The following SYNDIG1 variants were observed in gnomAD, a reference collection of about 807,000 sequenced individuals.
SYNDIG1 encodes the protein synapse differentiation-inducing gene protein 1.
A neutral mutation model predicts 19.4 loss-of-function variants in SYNDIG1; 9 were observed. The observed-to-expected ratio is 0.46, with a 90% CI of 0.28 to 0.81. The LOEUF (loss-of-function observed/expected upper bound fraction) is 0.81. Ranked by LOEUF, SYNDIG1 falls within the 30% of genes least tolerant of loss-of-function variation. The pLI is 0.12. For missense variants in SYNDIG1, 311 were observed against 343.3 expected (o/e 0.91, Z 0.74); for synonymous variants, 141 against 145.9 (o/e 0.97, Z 0.24).
Position 24,590,633 on chromosome 20 carries a change from G to A in SYNDIG1, c.618+5640G>A, listed in dbSNP as rs557127014. ...CTGGGCTTAGGTTGCAGTGTGAAAG[G>A]AAGAGGGAAGGGAGGGATGCCCTGG... On this transcript the variant is annotated intron_variant, in intron 3 of 3. Transcript: ENST00000376862. Among the ~76,000 whole-genome samples, 3 of 152,244 alleles carry A rather than the reference G, an allele frequency of 2.0e-5. No homozygotes were observed. In the South Asian group the frequency reaches 6.2e-4, roughly 32 times the overall value.
At chr20:24,661,440 AGG>A (rs2059590875) in intron 3 of SYNDIG1, among the ~76,000 whole-genome samples, 1 of 6,646 alleles carries the variant, frequency 1.5e-4, no homozygotes, top group African/African-American at 6.9e-4. Flanking sequence ...GGAGGAAGGA[AGG>A]AGGAAAGAGG....
chr20:24,640,885 G>T (rs182673001), intron 3 of SYNDIG1, among the ~76,000 whole-genome samples: 1 of 152,194 alleles, frequency 6.6e-6, no homozygotes, highest in Non-Finnish European at 1.5e-5. Flanking sequence ...CATGGAGGGC[G>T]CATGGGCAGG....
At chr20:24,591,765 A>G (rs1347747420) in intron 3 of SYNDIG1, among the ~76,000 whole-genome samples, 1 of 152,206 alleles carries the variant, frequency 6.6e-6, no homozygotes, top group African/African-American at 2.4e-5. Flanking sequence ...AGCTGTTCCC[A>G]GGTCATGCTT....
Position 24,519,579 on chromosome 20 carries a change from T to G in SYNDIG1, c.-78-23441T>G, listed in dbSNP as rs886173777. ...GGGAAGGTTAGAAGCATAGTATTCTTCAAGTTTCTTTTTTACCCTCTTCCA... is the reference window on the plus strand; with the variant it reads ...GGGAAGGTTAGAAGCATAGTATTCTGCAAGTTTCTTTTTTACCCTCTTCCA... On this transcript the variant is annotated intron_variant, in intron 1 of 3. Coordinates refer to ENST00000376862, the MANE Select transcript of SYNDIG1 (RefSeq NM_024893.3). 3.9e-5 allele frequency among the ~76,000 whole-genome samples: 6 copies of G among 152,310 alleles called. No homozygotes were observed. The East Asian group carries it at 9.7e-4, about 25-fold the overall frequency.
intron 2 of SYNDIG1, among the ~76,000 whole-genome samples, chr20:24,569,396 A>T (rs543499815): frequency 6.6e-6 from 1 of 152,232 alleles, no homozygotes; most frequent in East Asian, 1.9e-4. Flanking sequence ...ATCACATATG[A>T]TTAATTCACT....
At chr20:24,625,050 T>C (rs2059102125) in intron 3 of SYNDIG1, among the ~76,000 whole-genome samples, 1 of 152,146 alleles carries the variant, frequency 6.6e-6, no homozygotes, top group Non-Finnish European at 1.5e-5. Flanking sequence ...AAAGCAATGT[T>C]TAAAGGGAAA....
At chr20:24,509,667 A>C (rs1165431311) in intron 1 of SYNDIG1, among the ~76,000 whole-genome samples, 1 of 152,246 alleles carries the variant, frequency 6.6e-6, no homozygotes, top group East Asian at 1.9e-4. Context: ...TTAGTGGTTC[A>C]TTCAGTTTTT....
chr20:24,619,470 C>T (rs967044765), intron 3 of SYNDIG1, among the ~76,000 whole-genome samples: 1 of 152,222 alleles, frequency 6.6e-6, no homozygotes, highest in African/African-American at 2.4e-5. Context: ...TCTTGTTTCA[C>T]TTCTCAATAT....
At chr20:24,660,154 G>A (rs2059569745) in intron 3 of SYNDIG1, among the ~76,000 whole-genome samples, 3 of 152,194 alleles carry the variant, frequency 2.0e-5, no homozygotes, top group African/African-American at 7.2e-5. Flanking sequence ...GGGCTTCCAG[G>A]TCAGGGCAAC....
chr20:24,598,557 G>A (rs977165916), intron 3 of SYNDIG1, among the ~76,000 whole-genome samples: 30 of 152,330 alleles, frequency 2.0e-4, no homozygotes, highest in African/African-American at 6.3e-4. Flanking sequence ...TTGGCTACAC[G>A]CCAGGACTGG....
At chr20:24,577,665 C>A (rs1395107706) in intron 2 of SYNDIG1, among the ~76,000 whole-genome samples, 1 of 152,238 alleles carries the variant, frequency 6.6e-6, no homozygotes, top group Non-Finnish European at 1.5e-5. Flanking sequence ...GGGGCTTGAG[C>A]TGTGTCTTCT....
At chr20:24,565,272 A>G (rs2058023640) in intron 2 of SYNDIG1, among the ~76,000 whole-genome samples, 1 of 152,246 alleles carries the variant, frequency 6.6e-6, no homozygotes, top group South Asian at 2.1e-4. Flanking sequence ...CCTCAGTTAC[A>G]ATGCAAGAAG....
chr20:24,575,683 T>G (rs2058216022), intron 2 of SYNDIG1, among the ~76,000 whole-genome samples: 2 of 152,102 alleles, frequency 1.3e-5, no homozygotes, highest in African/African-American at 4.8e-5. Context: ...GATTATTTTC[T>G]TCTAAAAATA....
intron 2 of SYNDIG1, among the ~76,000 whole-genome samples, chr20:24,580,853 TC>T (rs1023953562): frequency 3.3e-5 from 5 of 152,306 alleles, no homozygotes; most frequent in Admixed American, 3.3e-4. Context: ...GAAAGCTAAA[TC>T]TTTGCTTCTT....
intron 2 of SYNDIG1, among the ~76,000 whole-genome samples, chr20:24,584,141 C>G (rs2058373879): frequency 6.6e-6 from 1 of 152,202 alleles, no homozygotes; most frequent in African/African-American, 2.4e-5. Flanking sequence ...GAGTCTCACT[C>G]AGCCCCTGCC....
intron 3 of SYNDIG1, among the ~76,000 whole-genome samples, chr20:24,635,928 T>A (rs1038480493): frequency 6.6e-6 from 1 of 152,182 alleles, no homozygotes; most frequent in Non-Finnish European, 1.5e-5. Flanking sequence ...ACTTTCTGTA[T>A]CTCAATGTTT....
At position 24,665,329 on chromosome 20, in the gene SYNDIG1, C is replaced by G; in HGVS notation, c.619-17C>G. ...ACTTGCTTACAATGACTTCCTTTTT[C>G]TTCTCCAACTCTGCAGACCAACAAA... On this transcript the variant is annotated splice_polypyrimidine_tract_variant and intron_variant, in intron 3 of 3. Transcript: ENST00000376862. 1 of 1,583,168 alleles carries G rather than the reference C, an allele frequency of 6.3e-7. No homozygotes were observed. The highest frequency in any genetic ancestry group is 2.2e-5 in the East Asian group (1 of 44,504).
At position 24,517,745 on chromosome 20, in the gene SYNDIG1, ATG is replaced by A. The variant is rs374171218; in HGVS notation, c.-78-25261_-78-25260del. ...GTATGTATATATATTATATATGTGT[ATG>A]TGTGTGTGTGTGTATATATATATAT... On this transcript the variant is annotated intron_variant, in intron 1 of 3. Transcript: ENST00000376862. 1.5e-3 allele frequency among the ~76,000 whole-genome samples: 209 copies of A among 140,336 alleles called. 3 individuals are homozygous for A. The East Asian group carries it at 0.03, about 20-fold the overall frequency. 92.1% of individuals were successfully genotyped at this position (140,336 alleles called of 152,430 possible).
rs761963388 is a variant in SYNDIG1, at chr20:24,584,933, C to A, written c.558C>A (p.Val186=). The A allele has an allele frequency of 1.1e-5, 18 of 1,613,964 alleles. No homozygotes were observed. The highest frequency in any genetic ancestry group is 1.7e-4 in the Middle Eastern group (1 of 6,058). Residue 186 remains valine (V), a synonymous_variant, in exon 3 of 4, where the codon GTC becomes GTA. Transcript: ENST00000376862. ...MPPRDHLGLS[V]FSMLCCFWPL... ...CGCGGGACCACCTGGGCCTCAGTGT[C>A]TTCTCCATGCTCTGCTGCTTCTGGC...
Sources: allele counts gnomAD v4.1 joint callset (sites outside exome capture counted in the v4.1 genomes callset), GRCh38; gene constraint gnomAD v4.1.1; transcripts MANE v1.5; gene names NCBI Gene and HGNC (gene_info 2026-07-23, HGNC 2026-07-21).